Variants in MS4A10 observed in about 807,000 individuals in gnomAD.
MS4A10 encodes the protein membrane-spanning 4-domains subfamily A member 10.
In MS4A10, 27 loss-of-function variants were observed where a neutral mutation model predicts 27.7. The observed-to-expected ratio is 0.98, with a 90% CI of 0.72 to 1.35. The LOEUF (loss-of-function observed/expected upper bound fraction) is 1.35, where lower values mean the gene tolerates loss of function less well. MS4A10 is among the 40% of genes most tolerant of loss of function. The pLI is 0.00. For missense variants in MS4A10, 338 were observed against 324.7 expected (o/e 1.04, Z -0.32); for synonymous variants, 139 against 131.2 (o/e 1.06, Z -0.41).
chr11:60,791,926 G>C (rs1854437640), intron 3 of MS4A10, among the ~76,000 whole-genome samples: 2 of 152,224 alleles, frequency 1.3e-5, no homozygotes, highest in Middle Eastern at 3.2e-3. Flanking sequence ...TCGGGGTGGA[G>C]GGGATAGTGC....
chr11:60,800,576 A>G lies in MS4A10; in HGVS notation c.*667A>G, dbSNP rs1854615828. On this transcript the variant is annotated 3_prime_UTR_variant, in exon 8 of 8. Transcript: ENST00000308287. ...ATCCCTGGGGTTTGAGGTTCTTTGAATTCTCCCTCTTTGTCATCTCTTTCG... is the reference window on the plus strand; with the variant it reads ...ATCCCTGGGGTTTGAGGTTCTTTGAGTTCTCCCTCTTTGTCATCTCTTTCG... 6.6e-6 allele frequency: 1 copy of G among 152,206 alleles called. No individual in the cohort carries two copies. Among genetic ancestry groups the G allele is most frequent in the Admixed American group, 6.6e-5 (1 of 15,260 alleles). 9.4% of individuals were successfully genotyped at this position (152,206 alleles called of 1,614,324 possible).
At chr11:60,796,979 A>C (rs934157872) in intron 6 of MS4A10, among the ~76,000 whole-genome samples, 8 of 152,168 alleles carry the variant, frequency 5.3e-5, no homozygotes, top group African/African-American at 1.9e-4. Flanking sequence ...ATAATTCTTC[A>C]AGTTTGACAC....
At chr11:60,795,815 G>T (rs530027214) in intron 6 of MS4A10, 150 bp downstream of exon 6, 2 of 476,216 alleles carry the variant, frequency 4.2e-6, no homozygotes, top group South Asian at 4.5e-5. Flanking sequence ...GACAGCCCAC[G>T]ATCCAGTAGG....
chr11:60,794,727 G>A (rs889545972), intron 5 of MS4A10, among the ~76,000 whole-genome samples: 11 of 152,130 alleles, frequency 7.2e-5, no homozygotes, highest in African/African-American at 2.7e-4. Flanking sequence ...CCAGGCTGGA[G>A]TGCAGTGGCA....
chr11:60,792,060 T>G (rs991413662), intron 3 of MS4A10, among the ~76,000 whole-genome samples: 2 of 151,788 alleles, frequency 1.3e-5, no homozygotes, highest in Non-Finnish European at 2.9e-5. Flanking sequence ...TGGAGGTTTG[T>G]GCACATGGGA....
At position 60,798,489 on chromosome 11, in the gene MS4A10, G is replaced by T. The variant is rs146236803; in HGVS notation, c.697G>T (p.Asp233Tyr). Reference protein sequence around the residue: ...PPSYQSVIQGDAQHKQHQRLR... With the variant: ...PPSYQSVIQGYAQHKQHQRLR... ...ATCCTACCAGAGTGTGATTCAAGGC[G>T]ACGCACAACACAAGCAACATCAGAG... The change falls in exon 7 of 8, where the codon GAC becomes TAC. Residue 233 changes from aspartate to tyrosine, a missense_variant. Physicochemically the swap from Asp to Tyr is radical, Grantham distance 160. Transcript: ENST00000308287. The T allele has an allele frequency of 1.9e-6, 3 of 1,614,040 alleles. No individual in the cohort carries two copies. Among genetic ancestry groups the T allele is most frequent in the Non-Finnish European group, 2.5e-6 (3 of 1,179,966 alleles).
rs116693605 is a variant in MS4A10 at position 60,798,166 on chromosome 11, C to G, written c.604-230C>G. ...ACTGGTAGCGGGACGGGAACCAGAG[C>G]CCCATCCAGTGACTCCCATGTGGGC... On this transcript the variant is annotated intron_variant, in intron 6 of 7. Transcript: ENST00000308287. 5.9e-3 allele frequency among the ~76,000 whole-genome samples: 903 copies of G among 152,344 alleles called. 14 individuals are homozygous for G. Among genetic ancestry groups the G allele is most frequent in the African/African-American group, 0.021 (861 of 41,584 alleles).
At chr11:60,787,793 G>T (rs960468274) in intron 1 of MS4A10, among the ~76,000 whole-genome samples, 1 of 152,084 alleles carries the variant, frequency 6.6e-6, no homozygotes, top group Non-Finnish European at 1.5e-5. Context: ...CAAGGTAGGC[G>T]GATCACCTGA....
intron 5 of MS4A10, 129 bp from the exon 6 acceptor site, chr11:60,795,426 C>T (rs540228506): frequency 1.8e-5 from 9 of 504,256 alleles, no homozygotes; most frequent in Non-Finnish European, 3.0e-5. Context: ...CCACGCACAC[C>T]TGGGAGCTGA....
intron 3 of MS4A10, among the ~76,000 whole-genome samples, chr11:60,791,326 G>A (rs979282323): frequency 3.3e-5 from 5 of 152,108 alleles, no homozygotes; most frequent in African/African-American, 4.8e-5. Flanking sequence ...GCACTTGGAG[G>A]CTATCCATTC....
chr11:60,786,646 G>A (rs978718411), intron 1 of MS4A10, among the ~76,000 whole-genome samples: 1 of 152,092 alleles, frequency 6.6e-6, no homozygotes, highest in African/African-American at 2.4e-5. Flanking sequence ...TGCAGATGGA[G>A]GCAATAAACT....
chr11:60,794,309 A>G (rs1173116519), intron 5 of MS4A10, among the ~76,000 whole-genome samples: 1 of 152,210 alleles, frequency 6.6e-6, no homozygotes, highest in Non-Finnish European at 1.5e-5. Context: ...CACTGAATCC[A>G]AGTCCACTTT....
In MS4A10 at chr11:60,791,129, G is replaced by A. The variant is rs192008268; in HGVS notation, c.303+36G>A. On this transcript the variant is annotated intron_variant, in intron 3 of 7. Transcript: ENST00000308287. ...GGCAAAACACAGACCGGGTGTGGGA[G>A]TCTGCAAGGCAGGCCTGGGAGGCCC... 185 of 1,611,300 alleles carry A rather than the reference G, an allele frequency of 1.1e-4. 1 individual carries two copies. The African/African-American group carries it at 2.3e-3, about 20-fold the overall frequency.
rs762053702 is a variant in MS4A10, at chr11:60,799,847, G to A, written c.742G>A (p.Val248Ile). The A allele has an allele frequency of 2.4e-5, 37 of 1,558,542 alleles. No individual in the cohort carries two copies. The highest frequency in any genetic ancestry group is 3.2e-5 in the Non-Finnish European group (36 of 1,131,332). Reference protein sequence around the residue: ...QHQRLREVKQVAPDTWIVTDG... With the variant: ...QHQRLREVKQIAPDTWIVTDG... ...ATGCAGGCTCAGAGAAGTTAAGCAAGTTGCCCCGGACACATGGATAGTCAC... is the reference window on the plus strand; with the variant it reads ...ATGCAGGCTCAGAGAAGTTAAGCAAATTGCCCCGGACACATGGATAGTCAC... Residue 248 changes from valine to isoleucine, a missense_variant, in exon 8 of 8, where the codon GTT becomes ATT. Coordinates refer to ENST00000308287, the MANE Select transcript of MS4A10 (RefSeq NM_206893.4).
In MS4A10 at chr11:60,800,100, G is replaced by A. The variant is rs1854607777; in HGVS notation, c.*191G>A. 1.3e-6 allele frequency: 1 copy of A among 747,708 alleles called. No homozygotes were observed. The highest frequency in any genetic ancestry group is 2.2e-6 in the Non-Finnish European group (1 of 463,104). The allele number at this position is 747,708 out of a possible 1,614,324, so 46.3% of individuals were successfully genotyped here. A position where few individuals can be genotyped will look rare whatever the true frequency, so the allele number is the denominator to read the frequency against. On this transcript the variant is annotated 3_prime_UTR_variant, in exon 8 of 8. Transcript: ENST00000308287. The stretch of plus-strand genomic sequence containing the variant: ...TAAGCCATTTCTTACATAGTTGATG[G>A]CTCGATATCTGTGGTGGCCCAGATT...
At chr11:60,790,559 A>G in intron 2 of MS4A10, 41 bp downstream of exon 2, 1 of 1,609,304 alleles carries the variant, frequency 6.2e-7, no homozygotes, top group Non-Finnish European at 8.5e-7. Context: ...TGGGAGGCAG[A>G]GGAGAGGGGG....
In MS4A10 at chr11:60,790,437, G is replaced by T; in HGVS notation, c.102G>T (p.Gln34His). 6.2e-7 allele frequency: 1 copy of T among 1,614,132 alleles called. No homozygotes were observed. The highest frequency in any genetic ancestry group is 2.2e-5 in the East Asian group (1 of 44,858). Residue 34 changes from glutamine (Q) to histidine (H), a missense_variant, in exon 2 of 8, where the codon CAG (glutamine) becomes CAT (histidine). Physicochemically the swap from Gln to His is conservative, Grantham distance 24. Transcript: ENST00000308287. ...PVQPWQTSAPQNTTQPKLLAP... is the reference protein window; with the variant it reads ...PVQPWQTSAPHNTTQPKLLAP... ...AGCCCTGGCAGACAAGTGCACCCCA[G>T]AACACGACCCAGCCCAAGCTCCTGG...
chr11:60,793,574 T>G (rs911889410), intron 4 of MS4A10, among the ~76,000 whole-genome samples: 1 of 151,980 alleles, frequency 6.6e-6, no homozygotes, highest in African/African-American at 2.4e-5. Flanking sequence ...ACCTTTCTGG[T>G]GGGGAAGGGG....
At chr11:60,796,579 C>A (rs991837485) in intron 6 of MS4A10, among the ~76,000 whole-genome samples, 14 of 152,244 alleles carry the variant, frequency 9.2e-5, no homozygotes. Context: ...AGCCATCATG[C>A]CCAGCCCTCA....
Sources: allele counts gnomAD v4.1 joint callset (sites outside exome capture counted in the v4.1 genomes callset), GRCh38; gene constraint gnomAD v4.1.1; transcripts MANE v1.5; gene names NCBI Gene and HGNC (gene_info 2026-07-23, HGNC 2026-07-21).